MED13L: variants seen among roughly 807,000 people sequenced by gnomAD.
MED13L encodes the protein mediator complex subunit 13L.
Under a neutral mutation model 220.9 loss-of-function variants are expected in MED13L, and 7 were observed. That is an observed-to-expected ratio of 0.03 (90% CI 0.02 to 0.06). The LOEUF (loss-of-function observed/expected upper bound fraction) is 0.06, where lower values mean the gene tolerates loss of function less well. Among genes scored for constraint, MED13L ranks in the 10% least tolerant of loss-of-function variants. The probability of loss-of-function intolerance (pLI) is 1.00; values close to 1 mark genes in which losing one functional copy is unlikely to be tolerated. For missense variants in MED13L, 1,965 were observed against 2,760.5 expected (o/e 0.71, Z 6.46); for synonymous variants, 1,011 against 1,015.2 (o/e 1.00, Z 0.08).
chr12:115,974,112 C>T (rs1211978223), intron 25 of MED13L, among the ~76,000 whole-genome samples: 1 of 152,138 alleles, frequency 6.6e-6, no homozygotes, highest in Non-Finnish European at 1.5e-5. Context: ...TCCTGCCTCC[C>T]ATTTGTTTTT....
In MED13L at chr12:115,997,029, G is replaced by A; in HGVS notation, c.2771C>T (p.Pro924Leu). ...AACTACCTTAATTTCCTCGGGCTTG[G>A]GACTTCCTAATCCATCTTCCACTTC... is the stretch of plus-strand genomic sequence containing the variant. The part of the protein sequence containing the change: ...KMEVEDGLGS[P>L]KPEEIKDFSY... Residue 924 changes from proline (P) to leucine (L), a missense_variant, in exon 15 of 31, where the codon CCC becomes CTC. By Grantham distance (98) the Pro-to-Leu change is moderately conservative. Around this residue, in one of 10 missense-constraint regions of MED13L, gnomAD observed 233 missense variants for 306.2 expected, o/e 0.76. Transcript: ENST00000281928. 6.2e-7 allele frequency: 1 copy of A among 1,613,902 alleles called. No homozygotes were observed. The highest frequency in any genetic ancestry group is 8.5e-7 in the Non-Finnish European group (1 of 1,179,840).
chr12:115,979,231 C>T (rs1297348195), intron 23 of MED13L, among the ~76,000 whole-genome samples: 4 of 152,116 alleles, frequency 2.6e-5, no homozygotes, highest in Non-Finnish European at 2.9e-5. Flanking sequence ...TGGAGAAAAA[C>T]GATATTACTC....
At chr12:116,145,050 C>T (rs1360297592) in intron 2 of MED13L, among the ~76,000 whole-genome samples, 4 of 152,128 alleles carry the variant, frequency 2.6e-5, no homozygotes, top group African/African-American at 9.7e-5. Flanking sequence ...ATCCTATTTT[C>T]TTCATATGGC....
At chr12:116,216,582 A>C (rs957875370) in intron 2 of MED13L, among the ~76,000 whole-genome samples, 1 of 152,196 alleles carries the variant, frequency 6.6e-6, no homozygotes, top group Non-Finnish European at 1.5e-5. Flanking sequence ...AAAAAGTGAA[A>C]ACCAAAGTGA....
At position 116,121,208 on chromosome 12, in the gene MED13L, A is replaced by C. The variant is rs527354951; in HGVS notation, c.311-9696T>G. ...AGTATATAAATGTTTTTTAACAGAA[A>C]AGACAGTGTTTATAAAGGAAAAGTT... is the stretch of plus-strand genomic sequence containing the variant. On this transcript the variant is annotated intron_variant, in intron 2 of 30. Coordinates refer to ENST00000281928, the MANE Select transcript of MED13L (RefSeq NM_015335.5). Among the ~76,000 whole-genome samples the C allele has an allele frequency of 2.6e-3, 394 of 152,304 alleles. 2 individuals carry two copies. Among genetic ancestry groups the C allele is most frequent in the Middle Eastern group, 6.8e-3 (2 of 294 alleles).
At chr12:116,029,286 G>T (rs1381123052) in intron 4 of MED13L, among the ~76,000 whole-genome samples, 1 of 150,354 alleles carries the variant, frequency 6.7e-6, no homozygotes, top group Non-Finnish European at 1.5e-5. Context: ...TTAAACTGAG[G>T]TTTAAATCAT....
intron 1 of MED13L, among the ~76,000 whole-genome samples, chr12:116,274,224 AG>A (rs1488247818): frequency 1.3e-5 from 2 of 152,200 alleles, no homozygotes; most frequent in African/African-American, 2.4e-5. Flanking sequence ...TCAGAAAATA[AG>A]TAAAAGACTA....
chr12:116,236,891 C>T (rs1379601555), intron 2 of MED13L: 1 of 984,166 alleles, frequency 1.0e-6, no homozygotes, highest in Non-Finnish European at 1.2e-6. Context: ...CCAATGTTTC[C>T]TGGAATCACC....
chr12:115,968,545 C>T (rs1190260293), intron 28 of MED13L, among the ~76,000 whole-genome samples: 2 of 152,196 alleles, frequency 1.3e-5, no homozygotes, highest in African/African-American at 4.8e-5. Flanking sequence ...CTTCAATCAG[C>T]ACAATTACTC....
At chr12:116,148,787 T>TCC (rs1424069181) in intron 2 of MED13L, 1 of 157,052 alleles carries the variant, frequency 6.4e-6, no homozygotes, top group Non-Finnish European at 1.5e-5. Context: ...TGTAATACTC[T>TCC]ATTCGTCTAA....
chr12:115,968,903 T>C (rs754490479), intron 28 of MED13L, 37 bp downstream of exon 28: 5 of 1,610,860 alleles, frequency 3.1e-6, no homozygotes, highest in Non-Finnish European at 3.4e-6. Flanking sequence ...CTAAAGGCTA[T>C]GGTTGTCTTA....
rs1418139644 is a variant in MED13L, at chr12:116,030,838, TGAAAACA to T, written c.480-8244_480-8238del. 3.3e-5 allele frequency among the ~76,000 whole-genome samples: 5 copies of T among 152,004 alleles called. No individual in the cohort carries two copies. In the East Asian group the frequency reaches 9.6e-4, roughly 29 times the overall value. On this transcript the variant is annotated intron_variant, in intron 4 of 30. Coordinates refer to ENST00000281928, the MANE Select transcript of MED13L (RefSeq NM_015335.5). ...AATTTTCTATAAAAATAAAAGAATT[TGAAAACA>T]GTAACTAAAAAAACCCATCCACCCA...
chr12:115,990,284 C>T (rs983081204), intron 17 of MED13L, among the ~76,000 whole-genome samples: 11 of 152,208 alleles, frequency 7.2e-5, no homozygotes, highest in Non-Finnish European at 1.5e-4. Flanking sequence ...CCGTCTATCC[C>T]ATGCTTTTAT....
intron 2 of MED13L, among the ~76,000 whole-genome samples, chr12:116,123,832 G>A (rs540290388): frequency 2.0e-5 from 3 of 151,986 alleles, no homozygotes; most frequent in South Asian, 2.1e-4. Flanking sequence ...GGCACTCTAC[G>A]GCGTGACCGA....
intron 4 of MED13L, among the ~76,000 whole-genome samples, chr12:116,058,872 C>T (rs533370332): frequency 2.6e-5 from 4 of 152,162 alleles, no homozygotes; most frequent in Admixed American, 6.5e-5. Context: ...GACTGACTCA[C>T]GACTATATAT....
chr12:116,276,898 G>T, intron 1 of MED13L, 162 bp downstream of exon 1: 2 of 984,926 alleles, frequency 2.0e-6, no homozygotes, highest in South Asian at 1.5e-5. Context: ...AGGCGAGAGA[G>T]AGACGATCCA....
Position 116,241,341 on chromosome 12 carries a change from AACACAC to A in MED13L, c.73-3642_73-3637del, listed in dbSNP as rs890266083. 5.4e-4 allele frequency among the ~76,000 whole-genome samples: 81 copies of A among 149,210 alleles called. 1 individual carries two copies. The highest frequency in any genetic ancestry group is 3.5e-3 in the Middle Eastern group (1 of 288). The stretch of plus-strand genomic sequence containing the variant: ...ACAAAAAACAAAAAAACAAAAAAAA[AACACAC>A]ACACACACACACACAATAAATATGA... On this transcript the variant is annotated intron_variant, in intron 1 of 30. Coordinates refer to ENST00000281928, the MANE Select transcript of MED13L (RefSeq NM_015335.5).
At chr12:116,241,526 C>T in intron 1 of MED13L, among the ~76,000 whole-genome samples, 1 of 152,100 alleles carries the variant, frequency 6.6e-6, no homozygotes, top group East Asian at 1.9e-4. Flanking sequence ...GGCAGTAGAG[C>T]AGACAAAATA....
intron 2 of MED13L, among the ~76,000 whole-genome samples, chr12:116,169,988 G>C (rs962393111): frequency 1.7e-4 from 26 of 152,120 alleles, no homozygotes; most frequent in Non-Finnish European, 3.5e-4. Context: ...CTGCACTCCT[G>C]TCTGAGCAGC....
Sources: allele counts gnomAD v4.1 joint callset (sites outside exome capture counted in the v4.1 genomes callset), GRCh38; gene constraint gnomAD v4.1.1; regional missense constraint gnomAD v4.1.1; transcripts MANE v1.5; gene names NCBI Gene and HGNC (gene_info 2026-07-23, HGNC 2026-07-21).